The following ENOX1 variants were observed in gnomAD, a reference collection of about 807,000 sequenced individuals.
ENOX1 encodes the protein ecto-NOX disulfide-thiol exchanger 1.
A neutral mutation model predicts 82.5 loss-of-function variants in ENOX1; 42 were observed. That is an observed-to-expected ratio of 0.51 (90% confidence interval 0.40 to 0.66). The LOEUF (loss-of-function observed/expected upper bound fraction) is 0.66, where lower values mean the gene tolerates loss of function less well. Among genes scored for constraint, ENOX1 ranks in the 30% least tolerant of loss-of-function variants. The probability of loss-of-function intolerance (pLI) is 0.00; values close to 1 mark genes in which losing one functional copy is unlikely to be tolerated. For missense variants in ENOX1, 608 were observed against 811.6 expected (o/e 0.75, Z 3.05); for synonymous variants, 271 against 282.2 (o/e 0.96, Z 0.40).
intron 2 of ENOX1, among the ~76,000 whole-genome samples, chr13:43,531,472 G>A (rs924527216): frequency 6.7e-6 from 1 of 150,290 alleles, no homozygotes; most frequent in African/African-American, 2.5e-5. Flanking sequence ...TTACACTGTT[G>A]GTGGGACTGT....
intron 1 of ENOX1, among the ~76,000 whole-genome samples, chr13:43,731,192 C>T (rs1273606225): frequency 4.6e-5 from 7 of 152,144 alleles, no homozygotes; most frequent in African/African-American, 9.7e-5. Context: ...GTAATGACCC[C>T]GGGTAATTAC....
intron 14 of ENOX1, among the ~76,000 whole-genome samples, chr13:43,241,539 C>T (rs1210899264): frequency 6.6e-6 from 1 of 152,142 alleles, no homozygotes; most frequent in Non-Finnish European, 1.5e-5. Context: ...GAAGTAGTCT[C>T]CCAAAGGAAG....
intron 15 of ENOX1, among the ~76,000 whole-genome samples, chr13:43,226,749 G>A (rs2042042643): frequency 6.6e-6 from 1 of 152,162 alleles, no homozygotes; most frequent in Non-Finnish European, 1.5e-5. Context: ...CTCCTAGTCG[G>A]AAGCTTTTTT....
intron 14 of ENOX1, among the ~76,000 whole-genome samples, chr13:43,244,748 T>C (rs963229964): frequency 6.6e-6 from 1 of 152,158 alleles, no homozygotes; most frequent in African/African-American, 2.4e-5. Context: ...ACAAGATCTA[T>C]GTGGTAAAGA....
At chr13:43,416,061 G>A (rs1340244410) in intron 3 of ENOX1, among the ~76,000 whole-genome samples, 9 of 149,380 alleles carry the variant, frequency 6.0e-5, no homozygotes, top group East Asian at 4.0e-4. Context: ...ATGGGTGGCC[G>A]GGCAGAGGCG....
At chr13:43,281,645 T>A (rs2045391702) in intron 12 of ENOX1, among the ~76,000 whole-genome samples, 2 of 152,138 alleles carry the variant, frequency 1.3e-5, no homozygotes, top group Admixed American at 6.5e-5. Flanking sequence ...CCGTGAAAAT[T>A]TCCAATCACA....
chr13:43,615,412 T>G (rs193062173), intron 2 of ENOX1, among the ~76,000 whole-genome samples: 7 of 152,258 alleles, frequency 4.6e-5, no homozygotes, highest in African/African-American at 1.7e-4. Context: ...CAGCATGGCA[T>G]GATGGAAACT....
chr13:43,562,013 G>C (rs2079698628), intron 2 of ENOX1, among the ~76,000 whole-genome samples: 1 of 137,546 alleles, frequency 7.3e-6, no homozygotes, highest in African/African-American at 2.6e-5. Flanking sequence ...GGGAGGGAGG[G>C]AGGGAAGGAT....
chr13:43,558,122 C>T (rs1374073771), intron 2 of ENOX1, among the ~76,000 whole-genome samples: 1 of 152,208 alleles, frequency 6.6e-6, no homozygotes, highest in Non-Finnish European at 1.5e-5. Flanking sequence ...GGAAACCAAC[C>T]TGGTGCTGAG....
At chr13:43,450,956 G>C (rs1007108342) in intron 3 of ENOX1, among the ~76,000 whole-genome samples, 2 of 152,132 alleles carry the variant, frequency 1.3e-5, no homozygotes, top group Non-Finnish European at 2.9e-5. Context: ...CATGAAAACA[G>C]AGCTTCTGAA....
At chr13:43,236,816 TA>T in intron 14 of ENOX1, 78 bp from the exon 15 acceptor site, 1 of 663,806 alleles carries the variant, frequency 1.5e-6, no homozygotes, top group South Asian at 2.5e-5. Context: ...CCAGATCTCT[TA>T]AACTCTATAA....
intron 16 of ENOX1, among the ~76,000 whole-genome samples, chr13:43,222,267 G>A (rs1275371170): frequency 1.3e-5 from 2 of 151,904 alleles, no homozygotes; most frequent in East Asian, 3.9e-4. Context: ...AATCTTACCT[G>A]AGCCCTGAGG....
intron 3 of ENOX1, among the ~76,000 whole-genome samples, chr13:43,436,674 T>C (rs1177601365): frequency 1.3e-5 from 2 of 152,150 alleles, no homozygotes; most frequent in Non-Finnish European, 1.5e-5. Context: ...AAAGTTACTA[T>C]ACAGCTTGGA....
chr13:43,271,613 G>C, intron 12 of ENOX1, among the ~76,000 whole-genome samples: 1 of 151,874 alleles, frequency 6.6e-6, no homozygotes, highest in Admixed American at 6.6e-5. Context: ...AGAGGGAGAA[G>C]TGCATTGGAG....
chr13:43,254,183 T>C (rs1056106254), intron 14 of ENOX1, among the ~76,000 whole-genome samples: 5 of 152,198 alleles, frequency 3.3e-5, no homozygotes, highest in African/African-American at 1.2e-4. Context: ...GGATGGCCAT[T>C]AACCTTGGTC....
chr13:43,750,724 G>A (rs1457482838), intron 1 of ENOX1, among the ~76,000 whole-genome samples: 1 of 152,188 alleles, frequency 6.6e-6, no homozygotes, highest in Admixed American at 6.5e-5. Flanking sequence ...ATATACATGT[G>A]TATGCAGCTA....
chr13:43,419,418 C>T (rs1381218950), intron 3 of ENOX1, among the ~76,000 whole-genome samples: 21 of 152,100 alleles, frequency 1.4e-4, no homozygotes, highest in Non-Finnish European at 2.9e-5. Context: ...TGGTAGTGCC[C>T]TCCTGTCGTC....
intron 2 of ENOX1, among the ~76,000 whole-genome samples, chr13:43,662,189 A>C (rs575159178): frequency 6.6e-6 from 1 of 152,282 alleles, no homozygotes; most frequent in South Asian, 2.1e-4. Context: ...TTTAATCAAT[A>C]ACTCTTTTCA....
intron 11 of ENOX1, among the ~76,000 whole-genome samples, chr13:43,310,600 A>G (rs1192351052): frequency 1.3e-5 from 2 of 152,192 alleles, no homozygotes; most frequent in Non-Finnish European, 2.9e-5. Flanking sequence ...CATCAATTAC[A>G]ATATTCCTTA....
Sources: gnomAD v4.1 joint callset for allele counts (sites outside exome capture counted in the v4.1 genomes callset) on GRCh38, gnomAD v4.1.1 for gene constraint, MANE v1.5 for transcripts, NCBI Gene and HGNC (gene_info 2026-07-23, HGNC 2026-07-21) for gene names.